The following RANBP2 variants were observed in gnomAD, a reference collection of about 807,000 sequenced individuals.
RANBP2 encodes the protein RAN binding protein 2, also known as E3 SUMO-protein ligase RanBP2.
RANBP2 carries 57 observed loss-of-function variants against 303.6 expected under a neutral mutation model. The ratio of observed to expected loss-of-function variants is 0.19; its 90% CI spans 0.15 to 0.23. The LOEUF is 0.23. Among genes scored for constraint, RANBP2 ranks in the 10% least tolerant of loss-of-function variants. RANBP2 has a pLI of 1.00. For missense variants in RANBP2, 3,138 were observed against 3,780.8 expected (o/e 0.83, Z 4.46); for synonymous variants, 1,167 against 1,301.5 (o/e 0.90, Z 2.23).
Position 108,719,516 on chromosome 2 carries a change from C to G in RANBP2, c.-91C>G, listed in dbSNP as rs1558862843. 3 of 1,541,360 alleles carry G rather than the reference C, an allele frequency of 1.9e-6. No individual in the cohort carries two copies. Among genetic ancestry groups the G allele is most frequent in the Admixed American group, 4.0e-5 (2 of 50,218 alleles). On this transcript the variant is annotated 5_prime_UTR_variant, in exon 1 of 29. Coordinates refer to ENST00000283195, the MANE Select transcript of RANBP2 (RefSeq NM_006267.5). ...CTCCGCCGGCTACGGCGCTGCGTCA[C>G]TGGTTTGCAGGCGCTTTCCTCTTGG...
chr2:109,325,331 C>CTTTTTTTTTTTTTTT, the RANBP2 span, among the ~76,000 whole-genome samples: 3 of 66,272 alleles, frequency 4.5e-5, no homozygotes, highest in African/African-American at 1.4e-4. Flanking sequence ...TTCTTTCTTT[C>CTTTTTTTTTTTTTTT]TTTTTTTTTT....
the RANBP2 span, among the ~76,000 whole-genome samples, chr2:109,216,425 G>T: frequency 2.0e-5 from 3 of 152,254 alleles, no homozygotes; most frequent in Non-Finnish European, 2.9e-5. Context: ...TTGCAGAGGA[G>T]GAACCTGAGT....
chr2:109,509,916 C>T, the RANBP2 span, among the ~76,000 whole-genome samples: 23 of 152,078 alleles, frequency 1.5e-4, no homozygotes, highest in Non-Finnish European at 1.5e-4. Context: ...AATAACTAGG[C>T]GATAGCTACC....
chr2:108,749,128 T>G lies in RANBP2; in HGVS notation c.1272T>G (p.Val424=), dbSNP rs1469350701. ...PELEDLTRYD[V]GAIRAHNGSL... ...TTGAAGATTTGACTAGATACGATGT[T>G]GGTAAGTTATATGTTTCAGAGGAAA... is the stretch of plus-strand genomic sequence containing the variant. Residue 424 remains valine (V), a splice_region_variant and synonymous_variant, in exon 9 of 29, where the codon GTT becomes GTG. Transcript: ENST00000283195. 7.4e-6 allele frequency: 12 copies of G among 1,611,994 alleles called. No individual in the cohort carries two copies. Among genetic ancestry groups the G allele is most frequent in the Non-Finnish European group, 8.5e-6 (10 of 1,179,856 alleles).
At chr2:109,286,726 T>A in the RANBP2 span, among the ~76,000 whole-genome samples, 1 of 152,220 alleles carries the variant, frequency 6.6e-6, no homozygotes, top group African/African-American at 2.4e-5. Flanking sequence ...GGATTCCCAG[T>A]ACCTTTGGGA....
chr2:109,161,748 CAG>C, the RANBP2 span, among the ~76,000 whole-genome samples: 6 of 151,788 alleles, frequency 4.0e-5, no homozygotes, highest in East Asian at 7.8e-4. Context: ...AACCAGCTCT[CAG>C]GGGAACTAGT....
At chr2:108,768,521 A>T (rs1162506482) in intron 20 of RANBP2, 133 bp downstream of exon 20, 2 of 1,531,232 alleles carry the variant, frequency 1.3e-6, no homozygotes, top group Admixed American at 3.8e-5. Flanking sequence ...TATTTGAGCA[A>T]TTTTTTTTCT....
chr2:109,229,717 A>T, the RANBP2 span, among the ~76,000 whole-genome samples: 6 of 152,162 alleles, frequency 3.9e-5, no homozygotes, highest in African/African-American at 1.2e-4. Context: ...ACCTCGTATA[A>T]CTGGAATCAT....
At chr2:109,371,482 T>G in the RANBP2 span, 2 of 863,938 alleles carry the variant, frequency 2.3e-6, no homozygotes, top group African/African-American at 3.3e-5. Flanking sequence ...AACTCATTCC[T>G]TGGAATCTCT....
the RANBP2 span, among the ~76,000 whole-genome samples, chr2:109,363,863 T>C: frequency 6.6e-6 from 1 of 152,212 alleles, no homozygotes; most frequent in Non-Finnish European, 1.5e-5. Context: ...ATGTGTTTTT[T>C]CCCCTCTGAC....
At chr2:108,727,032 T>A (rs1201898730) in intron 1 of RANBP2, among the ~76,000 whole-genome samples, 5 of 152,164 alleles carry the variant, frequency 3.3e-5, no homozygotes, top group Non-Finnish European at 7.3e-5. Flanking sequence ...CATGTCTACT[T>A]CTTTCTACAC....
At chr2:109,048,731 C>T in the RANBP2 span, among the ~76,000 whole-genome samples, 1 of 152,118 alleles carries the variant, frequency 6.6e-6, no homozygotes, top group Non-Finnish European at 1.5e-5. Flanking sequence ...ACAGCCTCCT[C>T]CTAAAGTAAG....
chr2:108,816,266 C>T, the RANBP2 span, among the ~76,000 whole-genome samples: 1 of 152,054 alleles, frequency 6.6e-6, no homozygotes, highest in South Asian at 2.1e-4. Context: ...GCCTGGGCAA[C>T]GTGGTGCAAC....
chr2:109,710,396 G>C, the RANBP2 span, among the ~76,000 whole-genome samples: 4 of 118,272 alleles, frequency 3.4e-5, no homozygotes, highest in Admixed American at 8.3e-5. Flanking sequence ...AAAAAAAAAA[G>C]TGATTTACTC....
At chr2:108,961,842 A>G in the RANBP2 span, among the ~76,000 whole-genome samples, 1 of 152,152 alleles carries the variant, frequency 6.6e-6, no homozygotes, top group East Asian at 1.9e-4. Context: ...CTTCACACTA[A>G]TGGCCCCTGT....
the RANBP2 span, among the ~76,000 whole-genome samples, chr2:108,912,473 G>A: frequency 6.6e-6 from 1 of 152,150 alleles, no homozygotes; most frequent in African/African-American, 2.4e-5. Flanking sequence ...GCGGTCCCAG[G>A]ACACCCATAG....
chr2:109,348,453 G>A, the RANBP2 span, among the ~76,000 whole-genome samples: 2 of 152,222 alleles, frequency 1.3e-5, no homozygotes, highest in South Asian at 2.1e-4. Flanking sequence ...ACCCTGGTGC[G>A]TAGGGATCCC....
At chr2:109,207,535 A>G in the RANBP2 span, among the ~76,000 whole-genome samples, 1 of 152,172 alleles carries the variant, frequency 6.6e-6, no homozygotes, top group African/African-American at 2.4e-5. Flanking sequence ...TCATGGTAAA[A>G]CAGTGTTTCT....
the RANBP2 span, among the ~76,000 whole-genome samples, chr2:109,248,346 A>C: frequency 6.6e-6 from 1 of 151,972 alleles, no homozygotes; most frequent in African/African-American, 2.4e-5. Flanking sequence ...TATTCTTCTT[A>C]TTGTTTCCTG....
Sources: allele counts gnomAD v4.1 joint callset (sites outside exome capture counted in the v4.1 genomes callset), GRCh38; gene constraint gnomAD v4.1.1; transcripts MANE v1.5; gene names NCBI Gene and HGNC (gene_info 2026-07-23, HGNC 2026-07-21).